The following MSH6 variants were observed in gnomAD, a reference collection of about 807,000 sequenced individuals.
MSH6 encodes the protein mutS homolog 6, also known as DNA mismatch repair protein Msh6.
A neutral mutation model predicts 119.1 loss-of-function variants in MSH6; 85 were observed. That is an observed-to-expected ratio of 0.71 (90% confidence interval 0.60 to 0.85). The LOEUF is 0.85. Ranked by LOEUF, MSH6 falls within the 40% of genes least tolerant of loss-of-function variation. The probability of loss-of-function intolerance (pLI) is 0.00; values close to 1 mark genes in which losing one functional copy is unlikely to be tolerated. For synonymous variants in MSH6, 830 were observed against 586.9 expected (o/e 1.41, Z -5.99); for missense variants, 2,163 against 1,655.3 (o/e 1.31, Z -5.32).
rs758181932 is a variant in MSH6 at position 47,806,534 on chromosome 2, C to G, written c.3884C>G (p.Pro1295Arg). 1 of 1,613,734 alleles carries G rather than the reference C, an allele frequency of 6.2e-7. No homozygotes were observed. The highest frequency in any genetic ancestry group is 1.3e-5 in the African/African-American group (1 of 74,862). Residue 1295 changes from proline to arginine, a missense_variant, in exon 9 of 10, where the codon CCT becomes CGT. Physicochemically the swap from Pro to Arg is moderately radical, Grantham distance 103 (BLOSUM62 -2). Transcript: ENST00000234420. ...FLYKFIKGACPKSYGFNAARL... is the reference protein window; with the variant it reads ...FLYKFIKGACRKSYGFNAARL... ...TATAAATTCATTAAGGGAGCTTGTC[C>G]TAAAAGCTATGGCTTTAATGCAGCA...
intron 7 of MSH6, 60 bp downstream of exon 7, chr2:47,805,767 C>G (rs908861886): frequency 2.4e-5 from 30 of 1,249,850 alleles, no homozygotes; most frequent in Admixed American, 5.1e-5. Context: ...GTACAAATAA[C>G]TATTTTTATA....
chr2:47,790,731 T>C (rs542654634), intron 1 of MSH6, among the ~76,000 whole-genome samples, 196 bp from the exon 2 acceptor site: 1 of 152,212 alleles, frequency 6.6e-6, no homozygotes, highest in Admixed American at 6.6e-5. Flanking sequence ...TTTGTCTTCA[T>C]AGTTAAATAT....
In MSH6 at chr2:47,800,615, G is replaced by A. The variant is rs1669490068; in HGVS notation, c.2632G>A (p.Val878Ile). 1 of 1,614,188 alleles carries A rather than the reference G, an allele frequency of 6.2e-7. No homozygotes were observed. The highest frequency in any genetic ancestry group is 1.1e-5 in the South Asian group (1 of 91,084). The change falls in exon 4 of 10, where the codon GTT becomes ATT. Residue 878 changes from valine to isoleucine, a missense_variant. Transcript: ENST00000234420. ...TAAAATTATAGGGATCATGGAAGAA[G>A]TTGCTGATGGTTTTAAGTCTAAAAT... ...MCKIIGIMEE[V>I]ADGFKSKILK...
chr2:47,806,767 T>TAA lies in MSH6; in HGVS notation c.4002-12_4002-11insAA. ...ACAAAAAAACTTTTTTTTTTTTTTT[T>TAA]TTAATTTTAAGGGAAGTTTGCCTGG... is the stretch of plus-strand genomic sequence containing the variant. On this transcript the variant is annotated splice_polypyrimidine_tract_variant and intron_variant, in intron 9 of 9. Coordinates refer to ENST00000234420, the MANE Select transcript of MSH6 (RefSeq NM_000179.3). The TAA allele has an allele frequency of 1.3e-6, 2 of 1,585,520 alleles. No homozygotes were observed. The highest frequency in any genetic ancestry group is 8.6e-7 in the Non-Finnish European group (1 of 1,166,720).
At chr2:47,795,834 G>A (rs2104224835) in intron 2 of MSH6, 60 bp from the exon 3 acceptor site, 1 of 1,480,544 alleles carries the variant, frequency 6.8e-7, no homozygotes, top group Non-Finnish European at 9.4e-7. Context: ...GAACTGCTGG[G>A]ATTACAGGCG....
chr2:47,808,056 T>C (rs1160156261), downstream of MSH6: 1 of 1,426,982 alleles, frequency 7.0e-7, no homozygotes, highest in African/African-American at 1.4e-5. Context: ...TAAATCTTCT[T>C]CCAAAAAAGT....
chr2:47,791,397 C>T (rs1365807291), intron 2 of MSH6, among the ~76,000 whole-genome samples: 1 of 152,094 alleles, frequency 6.6e-6, no homozygotes, highest in East Asian at 1.9e-4. Context: ...CTAAACTGTC[C>T]CCCCATCTTG....
intron 1 of MSH6, chr2:47,784,364 T>C (rs1414404797): frequency 7.1e-6 from 4 of 565,740 alleles, no homozygotes; most frequent in Non-Finnish European, 9.0e-6. Flanking sequence ...ACTGGGCTTT[T>C]AGAGGCCTTA....
At chr2:47,787,977 G>A (rs1668446532) in intron 1 of MSH6, among the ~76,000 whole-genome samples, 2 of 152,004 alleles carry the variant, frequency 1.3e-5, no homozygotes, top group Admixed American at 1.3e-4. Flanking sequence ...AAAGAATTCA[G>A]GTTTACACAC....
rs587779254 is a variant in MSH6, at chr2:47,801,146, G to C, written c.3163G>C (p.Ala1055Pro). The C allele has an allele frequency of 3.1e-6, 5 of 1,610,198 alleles. No homozygotes were observed. Among genetic ancestry groups the C allele is most frequent in the Non-Finnish European group, 4.2e-6 (5 of 1,179,974 alleles). The change falls in exon 4 of 10, where the codon GCA (alanine) becomes CCA (proline). Residue 1055 changes from alanine to proline, a missense_variant. Physicochemically the swap from Ala to Pro is conservative, Grantham distance 27. Transcript: ENST00000234420. ...CTGGCAGTCTGCTGTAGAGTGTATCGCAGTGTTGGGTAAGACTTTGAACAA... is the reference window on the plus strand; with the variant it reads ...CTGGCAGTCTGCTGTAGAGTGTATCCCAGTGTTGGGTAAGACTTTGAACAA... ...KDWQSAVECI[A>P]VLDVLLCLAN...
At chr2:47,808,469 T>C (rs1444749326), downstream of MSH6, 2 of 1,503,926 alleles carry the variant, frequency 1.3e-6, no homozygotes, top group Non-Finnish European at 1.8e-6. Flanking sequence ...AAACATGTCA[T>C]TAATGCAAAA....
downstream of MSH6, chr2:47,809,741 ACTTTATACTG>A (rs1670479404): frequency 7.2e-7 from 1 of 1,382,896 alleles, no homozygotes. Context: ...TAGATACATC[ACTTTATACTG>A]CTTCTTAAAA....
At chr2:47,796,304 G>T (rs1317658018) in intron 3 of MSH6, among the ~76,000 whole-genome samples, 1 of 152,180 alleles carries the variant, frequency 6.6e-6, no homozygotes, top group African/African-American at 2.4e-5. Context: ...TAAGCAAGAG[G>T]TAGTACCATT....
At chr2:47,793,945 T>C (rs1668914547) in intron 2 of MSH6, among the ~76,000 whole-genome samples, 1 of 151,450 alleles carries the variant, frequency 6.6e-6, no homozygotes, top group Non-Finnish European at 1.5e-5. Flanking sequence ...TTGTCCAGGC[T>C]GGTCTCAAAC....
At chr2:47,792,272 G>A (rs1668780314) in intron 2 of MSH6, among the ~76,000 whole-genome samples, 3 of 152,064 alleles carry the variant, frequency 2.0e-5, no homozygotes, top group Non-Finnish European at 4.4e-5. Flanking sequence ...CTAGTACGTT[G>A]TCGTACTCGG....
In MSH6 at chr2:47,806,610, A is replaced by G. The variant is rs373425206; in HGVS notation, c.3960A>G (p.Ala1320=). 5.6e-5 allele frequency: 91 copies of G among 1,612,788 alleles called. No homozygotes were observed. In the African/African-American group the frequency reaches 1.0e-3, roughly 18 times the overall value. ...EEVIQKGHRK[A]REFEKMNQSL... ...TTATTCAAAAGGGACATAGAAAAGC[A>G]AGAGAATTTGAGAAGATGAATCAGT... Residue 1320 remains alanine, a synonymous_variant, in exon 9 of 10, where the codon GCA becomes GCG. Coordinates refer to ENST00000234420, the MANE Select transcript of MSH6 (RefSeq NM_000179.3).
downstream of MSH6, chr2:47,809,442 C>T: frequency 1.4e-6 from 1 of 691,758 alleles, no homozygotes; most frequent in Non-Finnish European, 2.4e-6. Flanking sequence ...GTATAAGATA[C>T]TCCAACCATT....
At chr2:47,801,361 G>GTTTGTTTTTT (rs1669576808) in intron 4 of MSH6, 2 of 89,998 alleles carry the variant, frequency 2.2e-5, no homozygotes, top group Non-Finnish European at 3.8e-5. Flanking sequence ...CCTTTCTTCA[G>GTTTGTTTTTT]TTTTTTTTTT....
At chr2:47,805,307 G>A (rs1163781273) in intron 6 of MSH6, among the ~76,000 whole-genome samples, 1 of 152,018 alleles carries the variant, frequency 6.6e-6, no homozygotes, top group Non-Finnish European at 1.5e-5. Flanking sequence ...AGCCTCTCGA[G>A]TAGCTGGGAT....
Sources: allele counts gnomAD v4.1 joint callset (sites outside exome capture counted in the v4.1 genomes callset), GRCh38; gene constraint gnomAD v4.1.1; transcripts MANE v1.5; gene names NCBI Gene and HGNC (gene_info 2026-07-23, HGNC 2026-07-21).